The following TTLL1 variants were observed in gnomAD, a reference collection of about 807,000 sequenced individuals.
TTLL1 encodes polyglutamylase complex subunit TTLL1.
In TTLL1, 33 loss-of-function variants were observed where a neutral mutation model predicts 47.8. The ratio of observed to expected loss-of-function variants is 0.69; its 90% CI spans 0.52 to 0.92. The LOEUF (loss-of-function observed/expected upper bound fraction) is 0.92, where lower values mean the gene tolerates loss of function less well. Ranked by LOEUF, TTLL1 falls within the 40% of genes least tolerant of loss-of-function variation. The pLI is 0.00. For missense variants in TTLL1, 488 were observed against 547.5 expected (o/e 0.89, Z 1.08); for synonymous variants, 225 against 214.1 (o/e 1.05, Z -0.45).
chr22:43,056,900 C>T (rs185804135), intron 8 of TTLL1, among the ~76,000 whole-genome samples: 3 of 152,296 alleles, frequency 2.0e-5, no homozygotes. Context: ...TCAAGCAATC[C>T]TCCCACCTCA....
At position 43,066,902 on chromosome 22, in the gene TTLL1, G is replaced by A. The variant is rs534178196; in HGVS notation, c.503+1508C>T. Among the ~76,000 whole-genome samples the A allele has an allele frequency of 6.6e-5, 10 of 151,768 alleles. 1 individual carries two copies. Among genetic ancestry groups the A allele is most frequent in the Non-Finnish European group, 1.2e-4 (8 of 67,960 alleles). On this transcript the variant is annotated intron_variant, in intron 5 of 10. Coordinates refer to ENST00000266254, the MANE Select transcript of TTLL1 (RefSeq NM_012263.5). ...CTTGGGAGGCTGAGGTAGGCAGATC[G>A]CTTGAACCTGGGAGGCGTGAGGTTG... is the stretch of plus-strand genomic sequence containing the variant.
chr22:43,047,477 T>G (rs1211799235), intron 9 of TTLL1, among the ~76,000 whole-genome samples: 1 of 152,086 alleles, frequency 6.6e-6, no homozygotes, highest in Non-Finnish European at 1.5e-5. Context: ...CTACTTTTTT[T>G]GGTTTTTTTG....
At chr22:43,046,662 A>G (rs1008903759) in intron 9 of TTLL1, 89 bp from the exon 10 acceptor site, 1 of 1,486,076 alleles carries the variant, frequency 6.7e-7, no homozygotes, top group South Asian at 1.2e-5. Flanking sequence ...GCTGGCTGCT[A>G]CACACTTTAG....
chr22:43,052,122 G>A (rs1926678737), intron 8 of TTLL1: 1 of 521,310 alleles, frequency 1.9e-6, no homozygotes, highest in Non-Finnish European at 3.5e-6. Context: ...GGGCATCTCT[G>A]CGTCTCACTC....
In TTLL1 at chr22:43,062,032, A is replaced by G. The variant is rs568909211; in HGVS notation, c.747+1781T>C. Among the ~76,000 whole-genome samples, 4 of 152,280 alleles carry G rather than the reference A, an allele frequency of 2.6e-5. No homozygotes were observed. In the East Asian group the frequency reaches 7.7e-4, roughly 29 times the overall value. Reference sequence around the variant, plus strand: ...ATTATTTGATGACTATCTCCCCTGGAAGCTCTGGGATCTGTGAGAGTAGGT... The same window carrying G: ...ATTATTTGATGACTATCTCCCCTGGGAGCTCTGGGATCTGTGAGAGTAGGT... On this transcript the variant is annotated intron_variant, in intron 7 of 10. Transcript: ENST00000266254.
chr22:43,056,131 G>C (rs1926984791), intron 8 of TTLL1, among the ~76,000 whole-genome samples: 1 of 151,926 alleles, frequency 6.6e-6, no homozygotes, highest in South Asian at 2.1e-4. Context: ...GGAGTCCGAG[G>C]CAGGTGGATC....
chr22:43,068,300 G>C (rs1382984495), intron 5 of TTLL1, 110 bp downstream of exon 5: 1 of 971,470 alleles, frequency 1.0e-6, no homozygotes, highest in Non-Finnish European at 1.4e-6. Context: ...CTGGGCGACA[G>C]AGTGAGACTC....
At chr22:43,071,711 T>C (rs924594356) in intron 3 of TTLL1, among the ~76,000 whole-genome samples, 3 of 152,182 alleles carry the variant, frequency 2.0e-5, no homozygotes, top group Non-Finnish European at 4.4e-5. Flanking sequence ...TGCCGGCCTA[T>C]AATCCAGCAC....
intron 1 of TTLL1, among the ~76,000 whole-genome samples, chr22:43,081,228 T>C (rs1384959223): frequency 6.6e-6 from 1 of 152,050 alleles, no homozygotes. Flanking sequence ...ACAGAATCTT[T>C]CCAGGCTGTG....
chr22:43,060,076 G>A (rs1317648304), intron 7 of TTLL1, among the ~76,000 whole-genome samples: 1 of 152,180 alleles, frequency 6.6e-6, no homozygotes, highest in Non-Finnish European at 1.5e-5. Flanking sequence ...AGGCTGGAGT[G>A]CAATGGCACG....
At chr22:43,072,148 C>A in intron 3 of TTLL1, among the ~76,000 whole-genome samples, 1 of 147,230 alleles carries the variant, frequency 6.8e-6, no homozygotes, top group East Asian at 2.0e-4. Context: ...TCTTTATTTT[C>A]TTTTTCTTTT....
intron 3 of TTLL1, among the ~76,000 whole-genome samples, chr22:43,073,406 G>A (rs1928267009): frequency 6.6e-6 from 1 of 151,602 alleles, no homozygotes; most frequent in African/African-American, 2.4e-5. Context: ...ACCCAGGCTG[G>A]AGTGCAGTGG....
At chr22:43,068,659 G>T in intron 4 of TTLL1, 69 bp from the exon 5 acceptor site, 1 of 1,343,212 alleles carries the variant, frequency 7.4e-7, no homozygotes. Context: ...GAAAGATCTT[G>T]CCCTTGCCTT....
chr22:43,064,746 A>C (rs1927619178), intron 5 of TTLL1, among the ~76,000 whole-genome samples: 1 of 150,984 alleles, frequency 6.6e-6, no homozygotes, highest in African/African-American at 2.4e-5. Context: ...ATAAGTAAAT[A>C]AATAAATAAA....
chr22:43,064,099 T>G (rs1927570423), intron 6 of TTLL1, 91 bp downstream of exon 6: 4 of 1,560,230 alleles, frequency 2.6e-6, no homozygotes, highest in East Asian at 4.5e-5. Flanking sequence ...GCACATGCAC[T>G]GTTTTATGAA....
At chr22:43,076,135 A>G (rs1320210941) in intron 2 of TTLL1, among the ~76,000 whole-genome samples, 1 of 151,944 alleles carries the variant, frequency 6.6e-6, no homozygotes, top group Admixed American at 6.6e-5. Flanking sequence ...ACTTCAAGTC[A>G]CCCTCTGTAA....
At chr22:43,081,720 G>C (rs1569449481) in intron 1 of TTLL1, among the ~76,000 whole-genome samples, 1 of 151,164 alleles carries the variant, frequency 6.6e-6, no homozygotes, top group East Asian at 2.0e-4. Flanking sequence ...GCTAATTTTT[G>C]TATTTTTACT....
At chr22:43,045,875 C>T (rs1373341181) in intron 10 of TTLL1, among the ~76,000 whole-genome samples, 1 of 152,144 alleles carries the variant, frequency 6.6e-6, no homozygotes, top group Non-Finnish European at 1.5e-5. Flanking sequence ...ATCAGTGCAC[C>T]ACACATATGT....
At chr22:43,069,490 G>C in intron 4 of TTLL1, 146 bp downstream of exon 4, 2 of 1,416,992 alleles carry the variant, frequency 1.4e-6, no homozygotes, top group Non-Finnish European at 9.4e-7. Flanking sequence ...TCATTCTGGA[G>C]ACACCTGAAA....
Sources: gnomAD v4.1 joint callset for allele counts (sites outside exome capture counted in the v4.1 genomes callset) on GRCh38, gnomAD v4.1.1 for gene constraint, MANE v1.5 for transcripts, NCBI Gene and HGNC (gene_info 2026-07-23, HGNC 2026-07-21) for gene names.